The following NCKAP5 variants were observed in gnomAD, a reference collection of about 807,000 sequenced individuals.
NCKAP5 encodes NCK associated protein 5.
Under a neutral mutation model 167.0 loss-of-function variants are expected in NCKAP5, and 92 were observed. That is an observed-to-expected ratio of 0.55 (90% CI 0.47 to 0.66). The LOEUF (loss-of-function observed/expected upper bound fraction) is 0.66, where lower values mean the gene tolerates loss of function less well. Ranked by LOEUF, NCKAP5 falls within the 30% of genes least tolerant of loss-of-function variation. The pLI, the probability that NCKAP5 is intolerant of heterozygous loss-of-function variation, is 0.00. For missense variants in NCKAP5, 2,378 were observed against 2,315.0 expected (o/e 1.03, Z -0.56); for synonymous variants, 891 against 877.4 (o/e 1.02, Z -0.27).
intron 11 of NCKAP5, 134 bp downstream of exon 11, chr2:132,860,358 A>T: frequency 9.4e-7 from 1 of 1,064,192 alleles, no homozygotes; most frequent in Non-Finnish European, 1.3e-6. Flanking sequence ...TAATGACATA[A>T]CTTGAGAAAG....
chr2:132,970,606 T>C (rs1052121055), intron 7 of NCKAP5, among the ~76,000 whole-genome samples: 2 of 152,180 alleles, frequency 1.3e-5, no homozygotes, highest in African/African-American at 4.8e-5. Context: ...AGGAGCTCAG[T>C]TTGCATCGAA....
chr2:132,785,299 G>A lies in NCKAP5; in HGVS notation c.1512C>T (p.Thr504=). 1 of 1,607,036 alleles carries A rather than the reference G, an allele frequency of 6.2e-7. No homozygotes were observed. Among genetic ancestry groups the A allele is most frequent in the Non-Finnish European group, 8.5e-7 (1 of 1,175,788 alleles). ...QSCRPHGSKL[T]HSVSDSLFGW... ...CAAACAGACTGTCGGAAACACTGTGGGTTAATTTACTGCCATGTGGCCTGC... is the reference window on the plus strand; with the variant it reads ...CAAACAGACTGTCGGAAACACTGTGAGTTAATTTACTGCCATGTGGCCTGC... Residue 504 remains threonine (T), a synonymous_variant, in exon 14 of 20, where the codon ACC becomes ACT. Coordinates refer to ENST00000409261, the MANE Select transcript of NCKAP5 (RefSeq NM_207363.3).
chr2:132,765,302 T>G (rs1205068387), intron 16 of NCKAP5, among the ~76,000 whole-genome samples: 1 of 147,980 alleles, frequency 6.8e-6, no homozygotes, highest in Non-Finnish European at 1.5e-5. Context: ...ATGGATTTCT[T>G]TCTTTCTTTT....
intron 19 of NCKAP5, among the ~76,000 whole-genome samples, chr2:132,716,310 TCCC>T (rs1446048092): frequency 6.6e-6 from 1 of 152,082 alleles, no homozygotes; most frequent in African/African-American, 2.4e-5. Flanking sequence ...TTAATTCTGC[TCCC>T]CCAACATGAA....
At chr2:133,628,130 A>G in the NCKAP5 span, among the ~76,000 whole-genome samples, 1 of 152,170 alleles carries the variant, frequency 6.6e-6, no homozygotes, top group African/African-American at 2.4e-5. Flanking sequence ...ATAGTAATGG[A>G]AGTTCTGGCC....
intron 2 of NCKAP5, among the ~76,000 whole-genome samples, chr2:133,540,468 A>G (rs1686130018): frequency 1.3e-5 from 2 of 152,292 alleles, no homozygotes; most frequent in South Asian, 2.1e-4. Flanking sequence ...AAAAATAAAA[A>G]CTTTTTAGAC....
intron 6 of NCKAP5, among the ~76,000 whole-genome samples, chr2:133,086,822 G>T (rs1011864905): frequency 1.3e-5 from 2 of 152,152 alleles, no homozygotes; most frequent in African/African-American, 4.8e-5. Context: ...CGGATTTGTT[G>T]AAAGTTTAGG....
At chr2:132,937,856 C>T (rs923317825) in intron 8 of NCKAP5, among the ~76,000 whole-genome samples, 24 of 152,310 alleles carry the variant, frequency 1.6e-4, no homozygotes, top group African/African-American at 5.3e-4. Context: ...AGGAAAACAG[C>T]GAGAGGAGCA....
At chr2:132,823,408 A>C (rs1686903996) in intron 11 of NCKAP5, among the ~76,000 whole-genome samples, 1 of 152,248 alleles carries the variant, frequency 6.6e-6, no homozygotes, top group Admixed American at 6.5e-5. Context: ...AGCCTCCTGA[A>C]ACAAAATAAT....
At chr2:133,031,162 C>G (rs1559068975) in intron 6 of NCKAP5, among the ~76,000 whole-genome samples, 1 of 152,086 alleles carries the variant, frequency 6.6e-6, no homozygotes, top group Non-Finnish European at 1.5e-5. Context: ...TTCACAGTAC[C>G]TGATTGTAAC....
chr2:133,435,075 G>T (rs1177747154), intron 3 of NCKAP5, among the ~76,000 whole-genome samples: 1 of 152,164 alleles, frequency 6.6e-6, no homozygotes, highest in African/African-American at 2.4e-5. Context: ...CACTGATAAG[G>T]CCATGACTAT....
At chr2:133,139,619 T>C (rs947457024) in intron 5 of NCKAP5, among the ~76,000 whole-genome samples, 1 of 152,168 alleles carries the variant, frequency 6.6e-6, no homozygotes, top group African/African-American at 2.4e-5. Context: ...TTGAGGAGAA[T>C]GACAGAATCT....
the NCKAP5 span, among the ~76,000 whole-genome samples, chr2:133,598,354 T>C: frequency 6.6e-6 from 1 of 152,202 alleles, no homozygotes. Context: ...GAAAACTCAA[T>C]TCTCTTCCTG....
intron 3 of NCKAP5, among the ~76,000 whole-genome samples, chr2:133,469,049 C>A (rs552320005): frequency 5.9e-5 from 9 of 151,506 alleles, no homozygotes; most frequent in Non-Finnish European, 1.3e-4. Flanking sequence ...TTGATCCTGT[C>A]ATTATGATGT....
the NCKAP5 span, among the ~76,000 whole-genome samples, chr2:133,640,353 T>C: frequency 6.6e-6 from 1 of 152,198 alleles, no homozygotes; most frequent in South Asian, 2.1e-4. Context: ...TAGGGAAGGT[T>C]TCTCTTAGGT....
the NCKAP5 span, among the ~76,000 whole-genome samples, chr2:133,639,276 T>C: frequency 2.6e-5 from 4 of 152,224 alleles, no homozygotes; most frequent in African/African-American, 9.6e-5. Context: ...ATAAATTTGA[T>C]AAGGCTTAAT....
At chr2:132,722,766 T>C (rs1421868937) in intron 19 of NCKAP5, among the ~76,000 whole-genome samples, 2 of 152,174 alleles carry the variant, frequency 1.3e-5, no homozygotes, top group African/African-American at 4.8e-5. Context: ...GAGTCATCCT[T>C]GACCCTACGT....
At chr2:132,934,316 T>C (rs1696676590) in intron 8 of NCKAP5, among the ~76,000 whole-genome samples, 1 of 152,224 alleles carries the variant, frequency 6.6e-6, no homozygotes, top group Non-Finnish European at 1.5e-5. Context: ...CTCATGCCTG[T>C]AATCCCAGCA....
intron 16 of NCKAP5, among the ~76,000 whole-genome samples, chr2:132,762,791 C>A (rs1293070861): frequency 6.6e-6 from 1 of 152,226 alleles, no homozygotes; most frequent in African/African-American, 2.4e-5. Context: ...GGGTACTAAT[C>A]TGAGAAACAC....
Sources: allele counts gnomAD v4.1 joint callset (sites outside exome capture counted in the v4.1 genomes callset), GRCh38; gene constraint gnomAD v4.1.1; transcripts MANE v1.5; gene names NCBI Gene and HGNC (gene_info 2026-07-23, HGNC 2026-07-21).